STXBP4: variants seen among roughly 807,000 people sequenced by gnomAD.
The protein encoded by STXBP4 is syntaxin binding protein 4, also known as syntaxin-binding protein 4.
In STXBP4, 55 loss-of-function variants were observed where a neutral mutation model predicts 76.1. That is an observed-to-expected ratio of 0.72 (90% CI 0.58 to 0.91). The LOEUF (loss-of-function observed/expected upper bound fraction) is 0.91. Among genes scored for constraint, STXBP4 ranks in the 40% least tolerant of loss-of-function variants. The probability of loss-of-function intolerance (pLI) is 0.00; values close to 1 mark genes in which losing one functional copy is unlikely to be tolerated. For missense variants in STXBP4, 618 were observed against 636.9 expected, an observed-to-expected ratio of 0.97 and a Z score of 0.32; for synonymous variants, 201 against 220.2, an observed-to-expected ratio of 0.91 and a Z score of 0.77.
At chr17:55,031,118 A>T in intron 8 of STXBP4, 50 bp from the exon 9 acceptor site, 4 of 1,397,930 alleles carry the variant, frequency 2.9e-6, no homozygotes, top group Non-Finnish European at 4.0e-6. Context: ...GAAAAGTTTT[A>T]TTCTTTGGAG....
intron 12 of STXBP4, among the ~76,000 whole-genome samples, chr17:55,056,884 C>A (rs967318786): frequency 6.6e-6 from 1 of 152,018 alleles, no homozygotes; most frequent in Non-Finnish European, 1.5e-5. Flanking sequence ...TTACAAATAA[C>A]AAAAGCAACT....
intron 10 of STXBP4, among the ~76,000 whole-genome samples, chr17:55,039,299 G>A (rs2078655563): frequency 6.6e-6 from 1 of 151,498 alleles, no homozygotes; most frequent in Middle Eastern, 3.4e-3. Flanking sequence ...AAAAGTATTA[G>A]CATAAACAAA....
At chr17:55,005,271 A>G (rs904241552) in intron 7 of STXBP4, among the ~76,000 whole-genome samples, 7 of 152,210 alleles carry the variant, frequency 4.6e-5, no homozygotes, top group Admixed American at 3.3e-4. Flanking sequence ...AAAGATGTTG[A>G]ACACACTTAA....
At chr17:55,098,850 G>A (rs2787497) in intron 16 of STXBP4, among the ~76,000 whole-genome samples, 120,485 of 152,048 alleles carry the variant, frequency 0.79, 48,271 homozygotes, top group African/African-American at 0.9. Context: ...TTAGTAAAAT[G>A]TAAGCTTCTT....
At position 55,046,423 on chromosome 17, in the gene STXBP4, T is replaced by G. The variant is rs188546880; in HGVS notation, c.946-666T>G. Among the ~76,000 whole-genome samples, 117 of 152,124 alleles carry G rather than the reference T, an allele frequency of 7.7e-4. 1 individual carries two copies. The highest frequency in any genetic ancestry group is 3.4e-3 in the Middle Eastern group (1 of 294). On this transcript the variant is annotated intron_variant, in intron 11 of 17. Coordinates refer to ENST00000376352, the MANE Select transcript of STXBP4 (RefSeq NM_178509.6). ...ATTTAATGTTCGAGCAATTCCTCTG[T>G]TCAGGTTTGTATTTAATGGCTCTTA...
intron 12 of STXBP4, among the ~76,000 whole-genome samples, chr17:55,065,046 A>G (rs145973499): frequency 3.9e-5 from 6 of 152,308 alleles, no homozygotes; most frequent in Non-Finnish European, 5.9e-5. Flanking sequence ...TATCATCATT[A>G]TCATAGATTA....
At chr17:55,128,581 A>G (rs994130817) in intron 16 of STXBP4, among the ~76,000 whole-genome samples, 2 of 152,152 alleles carry the variant, frequency 1.3e-5, no homozygotes, top group African/African-American at 2.4e-5. Flanking sequence ...ACACAACTAT[A>G]AGATTTCATA....
At chr17:55,186,403 A>G in the STXBP4 span, among the ~76,000 whole-genome samples, 4 of 152,366 alleles carry the variant, frequency 2.6e-5, no homozygotes, top group African/African-American at 9.6e-5. Flanking sequence ...ATATATTAAT[A>G]CTTCTAAAAC....
At chr17:55,017,318 T>G (rs1277573162) in intron 8 of STXBP4, among the ~76,000 whole-genome samples, 1 of 151,908 alleles carries the variant, frequency 6.6e-6, no homozygotes, top group Non-Finnish European at 1.5e-5. Flanking sequence ...CTGGCAAGGG[T>G]GATGGGGAAC....
intron 10 of STXBP4, among the ~76,000 whole-genome samples, chr17:55,035,042 T>C (rs2078574425): frequency 6.6e-6 from 1 of 152,006 alleles, no homozygotes; most frequent in Non-Finnish European, 1.5e-5. Context: ...AACCACCTGT[T>C]TTTGTTCCAC....
chr17:54,989,019 G>A (rs1309141574), intron 3 of STXBP4, among the ~76,000 whole-genome samples: 2 of 152,162 alleles, frequency 1.3e-5, no homozygotes, highest in Non-Finnish European at 2.9e-5. Context: ...TTTTTTGAAT[G>A]CAACAGTTTT....
chr17:55,123,382 G>GT (rs958884713), intron 16 of STXBP4, among the ~76,000 whole-genome samples: 4 of 152,074 alleles, frequency 2.6e-5, no homozygotes, highest in Admixed American at 1.3e-4. Flanking sequence ...TTGCATGCAG[G>GT]TTTTTTTCCT....
At chr17:55,042,005 CAT>C (rs1253127305) in intron 10 of STXBP4, among the ~76,000 whole-genome samples, 5 of 152,054 alleles carry the variant, frequency 3.3e-5, no homozygotes, top group Admixed American at 3.3e-4. Context: ...GTAACAGAGA[CAT>C]AAAGAATGTA....
At chr17:55,043,671 G>A (rs1375786150) in intron 11 of STXBP4, 9 of 1,548,536 alleles carry the variant, frequency 5.8e-6, no homozygotes, top group Non-Finnish European at 7.9e-6. Context: ...TTTGGATCCT[G>A]TGAGTTCTTT....
At chr17:54,991,917 A>T (rs1269618145) in intron 4 of STXBP4, 1 of 152,032 alleles carries the variant, frequency 6.6e-6, no homozygotes, top group Non-Finnish European at 1.5e-5. Flanking sequence ...AAACAGTCCT[A>T]CTACTTTTAC....
chr17:55,099,412 A>G (rs896176471), intron 16 of STXBP4, among the ~76,000 whole-genome samples: 5 of 152,252 alleles, frequency 3.3e-5, no homozygotes, highest in African/African-American at 1.2e-4. Context: ...TAGGTGGTAT[A>G]GCCTACTATC....
At chr17:55,207,824 T>G in the STXBP4 span, among the ~76,000 whole-genome samples, 216 of 152,318 alleles carry the variant, frequency 1.4e-3, 2 homozygotes, top group South Asian at 2.9e-3. Context: ...ATGTAGTTTG[T>G]TGAGCGGAAC....
At chr17:55,145,735 C>CTGTGTGTG (rs59653900) in intron 17 of STXBP4, among the ~76,000 whole-genome samples, 5 of 151,230 alleles carry the variant, frequency 3.3e-5, no homozygotes, top group Admixed American at 2.0e-4. Flanking sequence ...GTGTATGTTT[C>CTGTGTGTG]TGTGTGTGTG....
At chr17:55,050,013 C>T (rs1271549378) in intron 12 of STXBP4, among the ~76,000 whole-genome samples, 2 of 151,700 alleles carry the variant, frequency 1.3e-5, no homozygotes, top group African/African-American at 2.4e-5. Context: ...GCAAGTATAG[C>T]GTTGATGTAT....
Sources: allele counts gnomAD v4.1 joint callset (sites outside exome capture counted in the v4.1 genomes callset), GRCh38; gene constraint gnomAD v4.1.1; transcripts MANE v1.5; gene names NCBI Gene and HGNC (gene_info 2026-07-23, HGNC 2026-07-21).